The following JAZF1 variants were observed in gnomAD, a reference collection of about 807,000 sequenced individuals.
JAZF1 encodes juxtaposed with another zinc finger protein 1.
JAZF1 carries 8 observed loss-of-function variants against 26.4 expected under a neutral mutation model. The ratio of observed to expected loss-of-function variants is 0.30; its 90% CI spans 0.18 to 0.55. The LOEUF (loss-of-function observed/expected upper bound fraction) is 0.55, where lower values mean the gene tolerates loss of function less well. JAZF1 is among the 20% of genes least tolerant of loss of function. The probability of loss-of-function intolerance (pLI) is 0.94; values close to 1 mark genes in which losing one functional copy is unlikely to be tolerated. For synonymous variants in JAZF1, 126 were observed against 122.3 expected, an observed-to-expected ratio of 1.03 and a Z score of -0.20; for missense variants, 199 against 322.0, an observed-to-expected ratio of 0.62 and a Z score of 2.92.
chr7:27,903,015 T>TAA (rs60212939), intron 2 of JAZF1, among the ~76,000 whole-genome samples: 77 of 98,834 alleles, frequency 7.8e-4, no homozygotes, highest in African/African-American at 1.7e-3. Flanking sequence ...GACTCCGTCT[T>TAA]AAAAAAAAAA....
At chr7:28,086,289 C>T (rs1247170760) in intron 1 of JAZF1, among the ~76,000 whole-genome samples, 1 of 152,206 alleles carries the variant, frequency 6.6e-6, no homozygotes, top group Non-Finnish European at 1.5e-5. Flanking sequence ...CAGCCAGGTG[C>T]AGCTGAGCTG....
At chr7:27,901,087 A>G (rs1283666415) in intron 2 of JAZF1, among the ~76,000 whole-genome samples, 3 of 152,168 alleles carry the variant, frequency 2.0e-5, no homozygotes, top group Non-Finnish European at 4.4e-5. Flanking sequence ...TATTTCTTAA[A>G]GAAAAAAAGT....
chr7:27,948,266 G>A lies in JAZF1; in HGVS notation c.188+43643C>T, dbSNP rs1281657053. Among the ~76,000 whole-genome samples the A allele has an allele frequency of 4.6e-5, 7 of 152,070 alleles. No homozygotes were observed. The East Asian group carries it at 9.7e-4, about 21-fold the overall frequency. On this transcript the variant is annotated intron_variant, in intron 2 of 4. Coordinates refer to ENST00000283928, the MANE Select transcript of JAZF1 (RefSeq NM_175061.4). ...TGTGCTCAGTTTCAAGCATTTTCCCGACTGCTTCATGCCACGGTGCTCCAG... is the reference window on the plus strand; with the variant it reads ...TGTGCTCAGTTTCAAGCATTTTCCCAACTGCTTCATGCCACGGTGCTCCAG...
intron 3 of JAZF1, among the ~76,000 whole-genome samples, chr7:27,845,604 G>A (rs1783009495): frequency 6.6e-6 from 1 of 150,892 alleles, no homozygotes. Flanking sequence ...GGCTGAGGCA[G>A]GAGAATCGCT....
At chr7:28,071,601 T>G in intron 1 of JAZF1, 1 of 471,900 alleles carries the variant, frequency 2.1e-6, no homozygotes, top group South Asian at 1.5e-5. Context: ...AAGATTTCAG[T>G]GAAACCTTTC....
chr7:27,967,789 C>A (rs1785304040), intron 2 of JAZF1, among the ~76,000 whole-genome samples: 1 of 152,168 alleles, frequency 6.6e-6, no homozygotes, highest in African/African-American at 2.4e-5. Flanking sequence ...ACAAGAATGA[C>A]TAAAACTGAA....
At chr7:27,887,145 G>A (rs1783882586) in intron 3 of JAZF1, among the ~76,000 whole-genome samples, 1 of 152,058 alleles carries the variant, frequency 6.6e-6, no homozygotes, top group African/African-American at 2.4e-5. Context: ...GTGGGAGGAG[G>A]GAGAGGATCA....
At chr7:28,009,188 C>G (rs545418839) in intron 1 of JAZF1, among the ~76,000 whole-genome samples, 22 of 151,860 alleles carry the variant, frequency 1.4e-4, no homozygotes, top group Admixed American at 3.3e-4. Flanking sequence ...AAAGATACTG[C>G]GTCTTCATTT....
intron 1 of JAZF1, among the ~76,000 whole-genome samples, chr7:28,137,292 C>T (rs952444039): frequency 2.0e-5 from 3 of 152,190 alleles, no homozygotes; most frequent in African/African-American, 4.8e-5. Context: ...TAGAATACCA[C>T]TCTCACCGCT....
At chr7:28,062,026 C>T (rs1242107586) in intron 1 of JAZF1, among the ~76,000 whole-genome samples, 6 of 152,194 alleles carry the variant, frequency 3.9e-5, no homozygotes, top group African/African-American at 1.4e-4. Flanking sequence ...GAATTTTTTA[C>T]TGAGTACTTC....
At chr7:28,107,872 C>T (rs1003728) in intron 1 of JAZF1, among the ~76,000 whole-genome samples, 95,013 of 152,044 alleles carry the variant, frequency 0.62, 31,002 homozygotes, top group Non-Finnish European at 0.71. Context: ...TTATTAAAAC[C>T]AAAATAAATG....
intron 1 of JAZF1, among the ~76,000 whole-genome samples, chr7:28,009,515 G>A (rs1378711899): frequency 3.4e-5 from 5 of 147,520 alleles, no homozygotes; most frequent in African/African-American, 1.0e-4. Context: ...ACAGAGTCTC[G>A]CTCTGTCGCC....
chr7:28,003,894 C>T (rs1384426395), intron 1 of JAZF1, among the ~76,000 whole-genome samples: 1 of 152,086 alleles, frequency 6.6e-6, no homozygotes, highest in Non-Finnish European at 1.5e-5. Context: ...TAAGCCCAAT[C>T]AGGAAAACAC....
chr7:27,897,421 T>C (rs1784086462), intron 2 of JAZF1, among the ~76,000 whole-genome samples: 1 of 152,224 alleles, frequency 6.6e-6, no homozygotes, highest in Non-Finnish European at 1.5e-5. Flanking sequence ...TTATTCTCTG[T>C]AAAATGGGAA....
chr7:28,138,259 G>C (rs113150035), intron 1 of JAZF1, among the ~76,000 whole-genome samples: 14 of 152,174 alleles, frequency 9.2e-5, no homozygotes, highest in Non-Finnish European at 1.8e-4. Flanking sequence ...GGAGCCACAA[G>C]CTCCGAACAG....
chr7:27,982,792 T>A (rs1009932006), intron 2 of JAZF1, among the ~76,000 whole-genome samples: 1 of 152,144 alleles, frequency 6.6e-6, no homozygotes, highest in Non-Finnish European at 1.5e-5. Flanking sequence ...CAATATTTGC[T>A]GTTCTGCAGC....
At chr7:28,039,231 A>G (rs572675685) in intron 1 of JAZF1, among the ~76,000 whole-genome samples, 1 of 152,298 alleles carries the variant, frequency 6.6e-6, no homozygotes, top group Admixed American at 6.5e-5. Context: ...CTTTGGTATT[A>G]GCTACCATAT....
At chr7:27,911,836 G>A (rs1242470268) in intron 2 of JAZF1, among the ~76,000 whole-genome samples, 1 of 152,088 alleles carries the variant, frequency 6.6e-6, no homozygotes, top group East Asian at 1.9e-4. Context: ...AGAAACTTGG[G>A]GAATACCTGC....
chr7:27,838,663 A>T (rs1294212440), intron 4 of JAZF1, among the ~76,000 whole-genome samples: 1 of 152,082 alleles, frequency 6.6e-6, no homozygotes, highest in South Asian at 2.1e-4. Flanking sequence ...ATGAAATACT[A>T]ATCGCACTGG....
Sources: allele counts gnomAD v4.1 joint callset (sites outside exome capture counted in the v4.1 genomes callset), GRCh38; gene constraint gnomAD v4.1.1; transcripts MANE v1.5; gene names NCBI Gene and HGNC (gene_info 2026-07-23, HGNC 2026-07-21).